Variants in SLC5A5 observed in about 807,000 individuals in gnomAD.
The protein encoded by SLC5A5 is solute carrier family 5 member 5.
Under a neutral mutation model 68.6 loss-of-function variants are expected in SLC5A5, and 56 were observed. That is an observed-to-expected ratio of 0.82 (90% CI 0.66 to 1.02). SLC5A5 has a LOEUF of 1.02. SLC5A5 is among the 50% of genes least tolerant of loss of function. The pLI, the probability that SLC5A5 is intolerant of heterozygous loss-of-function variation, is 0.00. For missense variants in SLC5A5, 807 were observed against 859.8 expected (o/e 0.94, Z 0.77); for synonymous variants, 398 against 373.0 (o/e 1.07, Z -0.77).
chr19:17,888,199 G>T (rs2029997749), intron 12 of SLC5A5, 132 bp from the exon 13 acceptor site: 1 of 1,100,314 alleles, frequency 9.1e-7, no homozygotes. Context: ...ACAGATCTGG[G>T]CAGACAGTAA....
rs2030326480 is a variant in SLC5A5 at position 17,894,286 on chromosome 19, T to A, written c.*409T>A. 1 of 199,128 alleles carries A rather than the reference T, an allele frequency of 5.0e-6. No homozygotes were observed. Among genetic ancestry groups the A allele is most frequent in the Non-Finnish European group, 1.0e-5 (1 of 96,148 alleles). The allele number at this position is 199,128 out of a possible 1,614,324, so 12.3% of individuals were successfully genotyped here. A position where few individuals can be genotyped will look rare whatever the true frequency, so the allele number is the denominator to read the frequency against. ...CCTCAGCCTCTTGAGTAGCTGGGAT[T>A]GTAGGTGCCCACCACCATGCCCAGC... On this transcript the variant is annotated 3_prime_UTR_variant, in exon 15 of 15. Coordinates refer to ENST00000222248, the MANE Select transcript of SLC5A5 (RefSeq NM_000453.3).
Position 17,877,795 on chromosome 19 carries a change from C to G in SLC5A5, c.771C>G (p.Ser257=). ...FVVGGTLVWL[S]MYGVNQAQVQ... ...TGGGTGGCACGTTGGTGTGGCTCTC[C>G]ATGTATGGCGTGAACCAGGCGCAGG... Residue 257 remains serine, a synonymous_variant, in exon 6 of 15, where the codon TCC becomes TCG. Coordinates refer to ENST00000222248, the MANE Select transcript of SLC5A5 (RefSeq NM_000453.3). 6.2e-7 allele frequency: 1 copy of G among 1,614,230 alleles called. No homozygotes were observed. Among genetic ancestry groups the G allele is most frequent in the Non-Finnish European group, 8.5e-7 (1 of 1,180,040 alleles).
intron 7 of SLC5A5, among the ~76,000 whole-genome samples, chr19:17,879,325 CACAAAA>C (rs1471819209): frequency 2.0e-5 from 3 of 152,050 alleles, no homozygotes; most frequent in East Asian, 1.9e-4. Context: ...AAAACAAACC[CACAAAA>C]ACAAAAACAA....
At position 17,890,912 on chromosome 19, in the gene SLC5A5, C is replaced by G; in HGVS notation, c.1678C>G (p.Pro560Ala). The G allele has an allele frequency of 3.1e-6, 5 of 1,613,996 alleles. No individual in the cohort carries two copies. Among genetic ancestry groups the G allele is most frequent in the Non-Finnish European group, 4.2e-6 (5 of 1,179,952 alleles). Residue 560 changes from proline to alanine, a missense_variant, in exon 14 of 15, where the codon CCG becomes GCG. Transcript: ENST00000222248. ...CCCCACCAAGCGCAGCACCCTGGCC[C>G]CGGGATTGTTGTGGTGGGACCTCGC... ...TGPTKRSTLA[P>A]GLLWWDLARQ...
rs1287553809 is a variant in SLC5A5 at position 17,872,123 on chromosome 19, G to T, written c.-197G>T. 1.7e-6 allele frequency: 1 copy of T among 584,414 alleles called. No homozygotes were observed. 36.2% of individuals were successfully genotyped at this position (584,414 alleles called of 1,614,324 possible). On this transcript the variant is annotated 5_prime_UTR_variant, in exon 1 of 15. Transcript: ENST00000222248. ...CAGCGGGGACAGGGAGGCCGACACG[G>T]ACATCGACAGCCCATAGATTCCTAA...
At chr19:17,891,556 A>G (rs911271363) in intron 14 of SLC5A5, among the ~76,000 whole-genome samples, 4 of 152,132 alleles carry the variant, frequency 2.6e-5, no homozygotes, top group Non-Finnish European at 4.4e-5. Context: ...ACAAAGTTGA[A>G]TACTATTCCT....
rs778923089 is a variant in SLC5A5, at chr19:17,874,699, A to T, written c.511A>T (p.Thr171Ser). 2 of 1,614,040 alleles carry T rather than the reference A, an allele frequency of 1.2e-6. No homozygotes were observed. Among genetic ancestry groups the T allele is most frequent in the Non-Finnish European group, 1.7e-6 (2 of 1,180,008 alleles). ...GGACATCTGGGCGTCGCTCCTGTCC[A>T]CCGGAATTATCTGCACCTTCTACAC... ...GLDIWASLLS[T>S]GIICTFYTAV... Residue 171 changes from threonine to serine, a missense_variant, in exon 4 of 15, where the codon ACC (threonine) becomes TCC (serine). Physicochemically the swap from Thr to Ser is moderately conservative, Grantham distance 58 (BLOSUM62 1). Coordinates refer to ENST00000222248, the MANE Select transcript of SLC5A5 (RefSeq NM_000453.3).
intron 14 of SLC5A5, among the ~76,000 whole-genome samples, chr19:17,892,869 G>A (rs2030242957): frequency 6.6e-6 from 1 of 152,044 alleles, no homozygotes; most frequent in Non-Finnish European, 1.5e-5. Context: ...GCCACAGACA[G>A]GAACAGCTTT....
At chr19:17,877,151 T>C (rs947154577) in intron 5 of SLC5A5, among the ~76,000 whole-genome samples, 6 of 152,130 alleles carry the variant, frequency 3.9e-5, no homozygotes, top group East Asian at 1.9e-4. Flanking sequence ...TCAGACCAGA[T>C]TGGGGGCTAA....
Position 17,877,880 on chromosome 19 carries a change from G to A in SLC5A5, c.839+17G>A, listed in dbSNP as rs1294710267. On this transcript the variant is annotated intron_variant, in intron 6 of 14. Transcript: ENST00000222248. ...GGCCAAGCTGTGAGTGTTTCGGGGA[G>A]CAAGGTCGGGGTTTCTGGGACATGC... 38 of 1,614,008 alleles carry A rather than the reference G, an allele frequency of 2.4e-5. No homozygotes were observed. The highest frequency in any genetic ancestry group is 3.1e-5 in the Non-Finnish European group (37 of 1,180,056).
intron 13 of SLC5A5, among the ~76,000 whole-genome samples, chr19:17,888,806 A>G (rs1939241617): frequency 6.6e-6 from 1 of 151,360 alleles, no homozygotes; most frequent in Non-Finnish European, 1.5e-5. Flanking sequence ...CTAATTTTGC[A>G]TTTTTAGTAG....
At chr19:17,890,829 AC>A in intron 13 of SLC5A5, 56 bp from the exon 14 acceptor site, 2 of 1,201,756 alleles carry the variant, frequency 1.7e-6, no homozygotes, top group East Asian at 4.7e-5. Flanking sequence ...CTGGTCTCCA[AC>A]CCCCATGACC....
At chr19:17,881,864 A>C in intron 8 of SLC5A5, 96 bp from the exon 9 acceptor site, 1 of 885,434 alleles carries the variant, frequency 1.1e-6, no homozygotes, top group Non-Finnish European at 1.9e-6. Context: ...GGTTACCCCC[A>C]CCGTTGCCCT....
At chr19:17,892,045 C>G (rs2030193231) in intron 14 of SLC5A5, among the ~76,000 whole-genome samples, 1 of 152,136 alleles carries the variant, frequency 6.6e-6, no homozygotes, top group Non-Finnish European at 1.5e-5. Flanking sequence ...CGCCTGTAAT[C>G]CCAGCACTTT....
Position 17,872,518 on chromosome 19 carries a change from T to C in SLC5A5, c.199T>C (p.Phe67Leu). 6.2e-7 allele frequency: 1 copy of C among 1,612,742 alleles called. No individual in the cohort carries two copies. Among genetic ancestry groups the C allele is most frequent in the South Asian group, 1.1e-5 (1 of 91,074 alleles). Reference protein sequence around the residue: ...LPVGLSLSASFMSAVQVLGVP... With the variant: ...LPVGLSLSASLMSAVQVLGVP... ...CGTGGGCCTGTCGCTGTCTGCCAGCTTCATGTCGGCCGTGCAGGTGCTGGG... is the reference window on the plus strand; with the variant it reads ...CGTGGGCCTGTCGCTGTCTGCCAGCCTCATGTCGGCCGTGCAGGTGCTGGG... Residue 67 changes from phenylalanine to leucine, a missense_variant, in exon 1 of 15, where the codon TTC (phenylalanine) becomes CTC (leucine). By Grantham distance (22) the Phe-to-Leu change is conservative. Coordinates refer to ENST00000222248, the MANE Select transcript of SLC5A5 (RefSeq NM_000453.3).
At chr19:17,875,836 A>T in intron 4 of SLC5A5, 116 bp from the exon 5 acceptor site, 1 of 855,798 alleles carries the variant, frequency 1.2e-6, no homozygotes, top group Non-Finnish European at 2.0e-6. Flanking sequence ...TATTATTATT[A>T]ATCCCACTTT....
rs774281621 is a variant in SLC5A5 at position 17,882,037 on chromosome 19, C to A, written c.1136C>A (p.Ala379Glu). ...ATCAAACCTCGGCTGCGGAGCCTGG[C>A]ACCCAGGAAACTCGTGATTATCTCC... ...DLIKPRLRSLAPRKLVIISKG... is the reference protein window; with the variant it reads ...DLIKPRLRSLEPRKLVIISKG... Residue 379 changes from alanine to glutamate, a missense_variant, in exon 9 of 15, where the codon GCA becomes GAA. By Grantham distance (107) the Ala-to-Glu change is moderately radical (BLOSUM62 -1). Transcript: ENST00000222248. 1.2e-6 allele frequency: 2 copies of A among 1,614,156 alleles called. No homozygotes were observed. Among genetic ancestry groups the A allele is most frequent in the Middle Eastern group, 1.6e-4 (1 of 6,062 alleles).
At chr19:17,880,194 C>T (rs2094317343) in intron 7 of SLC5A5, among the ~76,000 whole-genome samples, 1 of 151,432 alleles carries the variant, frequency 6.6e-6, no homozygotes, top group Admixed American at 6.6e-5. Context: ...AGCCACTGTG[C>T]CCGGCCTTTC....
At chr19:17,880,492 C>T (rs145746117) in intron 7 of SLC5A5, among the ~76,000 whole-genome samples, 66 of 152,214 alleles carry the variant, frequency 4.3e-4, no homozygotes, top group African/African-American at 7.5e-4. Flanking sequence ...TGGGATTACA[C>T]GCGTGAGTCA....
Sources: gnomAD v4.1 joint callset for allele counts (sites outside exome capture counted in the v4.1 genomes callset) on GRCh38, gnomAD v4.1.1 for gene constraint, MANE v1.5 for transcripts, NCBI Gene and HGNC (gene_info 2026-07-23, HGNC 2026-07-21) for gene names.